The following LRRC1 variants were observed in gnomAD, a reference collection of about 807,000 sequenced individuals.
The protein encoded by LRRC1 is leucine rich repeat containing 1.
In LRRC1, 28 loss-of-function variants were observed where a neutral mutation model predicts 69.9. The ratio of observed to expected loss-of-function variants is 0.40; its 90% CI spans 0.30 to 0.55. LRRC1 has a LOEUF of 0.55. Among genes scored for constraint, LRRC1 ranks in the 20% least tolerant of loss-of-function variants. The pLI, the probability that LRRC1 is intolerant of heterozygous loss-of-function variation, is 0.47. For missense variants in LRRC1, 498 were observed against 609.0 expected (o/e 0.82, Z 1.92); for synonymous variants, 236 against 240.2 (o/e 0.98, Z 0.16).
intron 7 of LRRC1, among the ~76,000 whole-genome samples, chr6:53,897,691 C>G (rs1355421802): frequency 6.6e-6 from 1 of 152,178 alleles, no homozygotes; most frequent in African/African-American, 2.4e-5. Context: ...GATGGTATAC[C>G]TTTCCGCCAC....
chr6:53,920,489 A>G (rs912238476), intron 12 of LRRC1, 136 bp from the exon 13 acceptor site: 2 of 838,408 alleles, frequency 2.4e-6, no homozygotes, highest in African/African-American at 1.7e-5. Context: ...CAAACTTGCA[A>G]CAGAACACCC....
At chr6:53,875,250 A>G (rs564548307) in intron 2 of LRRC1, among the ~76,000 whole-genome samples, 9 of 152,294 alleles carry the variant, frequency 5.9e-5, no homozygotes, top group Admixed American at 4.6e-4. Flanking sequence ...CTTTGAAACA[A>G]CCTAAATGCC....
In LRRC1 at chr6:53,887,803, G is replaced by A. The variant is rs574921531; in HGVS notation, c.446+4827G>A. ...AAATCCCCTTTAGAAAAAAGTTGGG[G>A]TATAATTAAGTGAATGACTTTCTAT... On this transcript the variant is annotated intron_variant, in intron 4 of 13. Transcript: ENST00000370888. Among the ~76,000 whole-genome samples, 392 of 152,268 alleles carry A rather than the reference G, an allele frequency of 2.6e-3. 1 individual carries two copies. The highest frequency in any genetic ancestry group is 7.0e-3 in the South Asian group (34 of 4,824).
chr6:53,886,890 G>A (rs1767502747), intron 4 of LRRC1, among the ~76,000 whole-genome samples: 2 of 152,232 alleles, frequency 1.3e-5, no homozygotes, highest in South Asian at 4.1e-4. Context: ...GTATATAACT[G>A]GTGTATGTAC....
At chr6:53,863,057 C>A (rs1766583469) in intron 2 of LRRC1, among the ~76,000 whole-genome samples, 1 of 152,206 alleles carries the variant, frequency 6.6e-6, no homozygotes, top group Non-Finnish European at 1.5e-5. Flanking sequence ...ATATGATGTA[C>A]TGAATGTACC....
At chr6:53,886,672 A>G (rs1358324649) in intron 4 of LRRC1, among the ~76,000 whole-genome samples, 2 of 152,090 alleles carry the variant, frequency 1.3e-5, no homozygotes, top group Non-Finnish European at 1.5e-5. Context: ...GTTCAGGTGA[A>G]TGTTAAAATT....
At chr6:53,839,734 T>C (rs1765712871) in intron 1 of LRRC1, among the ~76,000 whole-genome samples, 1 of 152,188 alleles carries the variant, frequency 6.6e-6, no homozygotes, top group South Asian at 2.1e-4. Context: ...TATTATAATG[T>C]TATGACTGTA....
At chr6:53,826,990 A>G (rs1036034598) in intron 1 of LRRC1, among the ~76,000 whole-genome samples, 11 of 152,226 alleles carry the variant, frequency 7.2e-5, no homozygotes, top group Admixed American at 2.6e-4. Flanking sequence ...ATCCAGGCTT[A>G]GGACCCAGTG....
intron 4 of LRRC1, among the ~76,000 whole-genome samples, chr6:53,891,637 C>T (rs901428745): frequency 6.6e-6 from 1 of 151,828 alleles, no homozygotes; most frequent in African/African-American, 2.4e-5. Flanking sequence ...TAGTGGGAAG[C>T]TGGATTGATG....
intron 2 of LRRC1, among the ~76,000 whole-genome samples, chr6:53,850,724 T>C (rs1473096698): frequency 1.3e-5 from 2 of 152,250 alleles, no homozygotes; most frequent in Non-Finnish European, 2.9e-5. Context: ...TGAGGAATTT[T>C]ATTGCTGTTC....
chr6:53,804,638 T>C (rs2127403237), intron 1 of LRRC1, among the ~76,000 whole-genome samples: 1 of 152,366 alleles, frequency 6.6e-6, no homozygotes, highest in East Asian at 1.9e-4. Context: ...ATTTATTTTT[T>C]AACTCTTTTC....
At chr6:53,890,040 C>G (rs1469698865) in intron 4 of LRRC1, among the ~76,000 whole-genome samples, 50 of 152,256 alleles carry the variant, frequency 3.3e-4, no homozygotes, top group Admixed American at 3.3e-3. Flanking sequence ...CAAGAGCACA[C>G]AAAAACTCCA....
At chr6:53,857,316 G>C (rs975517099) in intron 2 of LRRC1, among the ~76,000 whole-genome samples, 2 of 152,184 alleles carry the variant, frequency 1.3e-5, no homozygotes, top group African/African-American at 4.8e-5. Flanking sequence ...GGAACAGCAG[G>C]AAGACTGGTC....
chr6:53,817,479 G>A (rs1190111708), intron 1 of LRRC1, among the ~76,000 whole-genome samples: 4 of 152,070 alleles, frequency 2.6e-5, no homozygotes, highest in Non-Finnish European at 1.5e-5. Flanking sequence ...ATATTAAAAT[G>A]TGCAATACTC....
intron 1 of LRRC1, among the ~76,000 whole-genome samples, chr6:53,802,405 T>C (rs1393172727): frequency 1.3e-5 from 2 of 152,214 alleles, no homozygotes; most frequent in Non-Finnish European, 2.9e-5. Flanking sequence ...CTCTTTCTAC[T>C]ATGCCGCCTT....
In LRRC1 at chr6:53,834,664, A is replaced by T. The variant is rs1331843131; in HGVS notation, c.160-7446A>T. 3.3e-5 allele frequency among the ~76,000 whole-genome samples: 5 copies of T among 152,168 alleles called. No individual in the cohort carries two copies. The East Asian group carries it at 7.7e-4, about 24-fold the overall frequency. ...TATCTGTTAACTAGAGATAAAAAAA[A>T]CTCTACCTCACTTGGTTATAGAGAT... On this transcript the variant is annotated intron_variant, in intron 1 of 13. Transcript: ENST00000370888.
intron 12 of LRRC1, 104 bp from the exon 13 acceptor site, chr6:53,920,521 C>T (rs537532532): frequency 3.9e-6 from 5 of 1,278,458 alleles, no homozygotes; most frequent in East Asian, 2.4e-5. Flanking sequence ...GGTGTTCTAC[C>T]CCTGGTCCTC....
At chr6:53,911,448 G>A (rs539863690) in intron 10 of LRRC1, among the ~76,000 whole-genome samples, 60 of 152,236 alleles carry the variant, frequency 3.9e-4, no homozygotes, top group Non-Finnish European at 6.5e-4. Context: ...ACAGCTTCAA[G>A]ACAAGATGCC....
intron 1 of LRRC1, among the ~76,000 whole-genome samples, chr6:53,840,931 T>TGTGC (rs1191801220): frequency 7.3e-5 from 9 of 123,996 alleles, no homozygotes; most frequent in African/African-American, 2.6e-4. Flanking sequence ...TGTGTGTGCG[T>TGTGC]GCGCGCACAT....
Sources: allele counts gnomAD v4.1 joint callset (sites outside exome capture counted in the v4.1 genomes callset), GRCh38; gene constraint gnomAD v4.1.1; transcripts MANE v1.5; gene names NCBI Gene and HGNC (gene_info 2026-07-23, HGNC 2026-07-21).